The following DNER variants were observed in gnomAD, a reference collection of about 807,000 sequenced individuals.
The protein encoded by DNER is delta/notch like EGF repeat containing.
In DNER, 33 loss-of-function variants were observed where a neutral mutation model predicts 78.2. The ratio of observed to expected loss-of-function variants is 0.42; its 90% CI spans 0.32 to 0.56. The LOEUF (loss-of-function observed/expected upper bound fraction) is 0.56. Ranked by LOEUF, DNER falls within the 20% of genes least tolerant of loss-of-function variation. The probability of loss-of-function intolerance (pLI) is 0.11; values close to 1 mark genes in which losing one functional copy is unlikely to be tolerated. For missense variants in DNER, 918 were observed against 975.3 expected (o/e 0.94, Z 0.78); for synonymous variants, 417 against 384.8 (o/e 1.08, Z -0.98).
Position 229,714,213 on chromosome 2 carries a change from C to A in DNER, c.211G>T (p.Ala71Ser). 1.4e-6 allele frequency: 2 copies of A among 1,389,638 alleles called. No homozygotes were observed. Among genetic ancestry groups the A allele is most frequent in the South Asian group, 3.2e-5 (2 of 62,472 alleles). 86.1% of individuals were successfully genotyped at this position (1,389,638 alleles called of 1,614,324 possible). The change falls in exon 1 of 13, where the codon GCC becomes TCC. Residue 71 changes from alanine to serine, a missense_variant. Ala to Ser is a moderately conservative substitution (Grantham distance 99, BLOSUM62 1). Transcript: ENST00000341772. ...SRPEPDPQHP[A>S]PAGEPGYSCT... Reference sequence around the variant, plus strand: ...CTGTAGCCAGGCTCGCCGGCGGGGGCCGGGTGCTGCGGGTCCGGCTCAGGG... The same window carrying A: ...CTGTAGCCAGGCTCGCCGGCGGGGGACGGGTGCTGCGGGTCCGGCTCAGGG...
At chr2:229,666,649 C>G (rs988644616) in intron 1 of DNER, among the ~76,000 whole-genome samples, 9 of 152,166 alleles carry the variant, frequency 5.9e-5, no homozygotes, top group South Asian at 2.1e-4. Context: ...GGACATGTAA[C>G]AACATGATGG....
chr2:229,694,472 G>A (rs1559211957), intron 1 of DNER, among the ~76,000 whole-genome samples: 1 of 151,438 alleles, frequency 6.6e-6, no homozygotes, highest in African/African-American at 2.4e-5. Context: ...TTCCGCCTGT[G>A]AAAGCAGACA....
chr2:229,621,568 G>GT (rs537930624), intron 1 of DNER, among the ~76,000 whole-genome samples: 51 of 129,202 alleles, frequency 3.9e-4, no homozygotes, highest in African/African-American at 7.9e-4. Flanking sequence ...TTGCCCTTTG[G>GT]TTTTTTTTTT....
chr2:229,700,877 A>G (rs2154217650), intron 1 of DNER, among the ~76,000 whole-genome samples: 1 of 151,468 alleles, frequency 6.6e-6, no homozygotes, highest in South Asian at 2.1e-4. Flanking sequence ...TGGGCGACAG[A>G]GCGAGACTCC....
chr2:229,491,976 C>G (rs202021414), intron 6 of DNER, among the ~76,000 whole-genome samples: 4 of 146,742 alleles, frequency 2.7e-5, no homozygotes, highest in Middle Eastern at 7.1e-3. Context: ...CACACACACA[C>G]AGACACACAG....
Position 229,379,420 on chromosome 2 carries a change from T to C in DNER, c.1855+8845A>G, listed in dbSNP as rs1439538198. Reference sequence around the variant, plus strand: ...TTTTCCAGGTTACATAGTTAGAATATGATGGAGCTTGAATCTGAAGTCGAC... The same window carrying C: ...TTTTCCAGGTTACATAGTTAGAATACGATGGAGCTTGAATCTGAAGTCGAC... On this transcript the variant is annotated intron_variant, in intron 11 of 12. Coordinates refer to ENST00000341772, the MANE Select transcript of DNER (RefSeq NM_139072.4). Among the ~76,000 whole-genome samples, 5 of 152,158 alleles carry C rather than the reference T, an allele frequency of 3.3e-5. No homozygotes were observed. The East Asian group carries it at 7.7e-4, about 24-fold the overall frequency.
At chr2:229,444,277 C>T (rs1381189419) in intron 8 of DNER, among the ~76,000 whole-genome samples, 1 of 152,206 alleles carries the variant, frequency 6.6e-6, no homozygotes, top group Non-Finnish European at 1.5e-5. Flanking sequence ...TTTCACTAGT[C>T]CATGCCAGGA....
chr2:229,398,694 A>G (rs1693202371), intron 10 of DNER, among the ~76,000 whole-genome samples: 1 of 152,114 alleles, frequency 6.6e-6, no homozygotes, highest in South Asian at 2.1e-4. Context: ...AAAAATTCTG[A>G]ACAAAATATT....
chr2:229,512,659 C>CA lies in DNER; in HGVS notation c.1147+123dup, dbSNP rs11461195. ...AGTGCACCAAAACCTCACAAATCAC[C>CA]AAAAAGAACTTACTCATGTAACCAA... On this transcript the variant is annotated intron_variant, in intron 6 of 12. Transcript: ENST00000341772. 3.8e-3 allele frequency: 5,217 copies of CA among 1,360,550 alleles called. 154 individuals are homozygous for CA. In the African/African-American group the frequency reaches 0.065, roughly 17 times the overall value. 84.3% of individuals were successfully genotyped at this position (1,360,550 alleles called of 1,614,324 possible).
chr2:229,652,120 AG>A (rs1173692872), intron 1 of DNER, among the ~76,000 whole-genome samples: 1 of 152,246 alleles, frequency 6.6e-6, no homozygotes, highest in Non-Finnish European at 1.5e-5. Context: ...AAACATCAAA[AG>A]AAAAAAGGAG....
At chr2:229,611,088 G>A (rs1359777126) in intron 1 of DNER, among the ~76,000 whole-genome samples, 1 of 152,226 alleles carries the variant, frequency 6.6e-6, no homozygotes, top group Non-Finnish European at 1.5e-5. Flanking sequence ...CCTGAAAGTC[G>A]ATGTGAACAG....
chr2:229,681,436 T>G (rs1343762676), intron 1 of DNER, among the ~76,000 whole-genome samples: 1 of 152,186 alleles, frequency 6.6e-6, no homozygotes, highest in Non-Finnish European at 1.5e-5. Flanking sequence ...ACCATCTACT[T>G]GTCAGACATG....
intron 1 of DNER, among the ~76,000 whole-genome samples, chr2:229,703,395 A>G (rs1196540121): frequency 5.3e-5 from 8 of 152,226 alleles, no homozygotes; most frequent in Non-Finnish European, 1.0e-4. Flanking sequence ...GAAAGAGACG[A>G]TCTTAAAATG....
intron 1 of DNER, among the ~76,000 whole-genome samples, chr2:229,632,066 A>T (rs908007930): frequency 6.6e-6 from 1 of 152,320 alleles, no homozygotes; most frequent in African/African-American, 2.4e-5. Context: ...CTCTTGTCAA[A>T]ATATAGCGCT....
intron 3 of DNER, among the ~76,000 whole-genome samples, chr2:229,587,611 T>C (rs974759731): frequency 6.6e-6 from 1 of 152,212 alleles, no homozygotes; most frequent in African/African-American, 2.4e-5. Flanking sequence ...CCCAGTCTTC[T>C]AAAAATCCCC....
intron 4 of DNER, among the ~76,000 whole-genome samples, chr2:229,576,089 AC>A (rs200975430): frequency 1.3e-5 from 2 of 151,876 alleles, no homozygotes; most frequent in African/African-American, 4.8e-5. Flanking sequence ...TACACTCCCT[AC>A]CCCCACCATT....
At chr2:229,378,690 T>A (rs1477465170) in intron 11 of DNER, among the ~76,000 whole-genome samples, 1 of 152,192 alleles carries the variant, frequency 6.6e-6, no homozygotes, top group African/African-American at 2.4e-5. Flanking sequence ...GGCATCCTCC[T>A]CTTGGTTTCT....
At chr2:229,404,111 G>A (rs544007410) in intron 10 of DNER, among the ~76,000 whole-genome samples, 2 of 152,254 alleles carry the variant, frequency 1.3e-5, no homozygotes, top group African/African-American at 4.8e-5. Flanking sequence ...GGTGAAGGCA[G>A]CATGGTGCTG....
intron 11 of DNER, among the ~76,000 whole-genome samples, chr2:229,386,859 T>C (rs950560033): frequency 1.3e-5 from 2 of 152,094 alleles, no homozygotes; most frequent in African/African-American, 2.4e-5. Flanking sequence ...GAAATAGGAA[T>C]GCTTTTATAC....
Sources: allele counts gnomAD v4.1 joint callset (sites outside exome capture counted in the v4.1 genomes callset), GRCh38; gene constraint gnomAD v4.1.1; transcripts MANE v1.5; gene names NCBI Gene and HGNC (gene_info 2026-07-23, HGNC 2026-07-21).